The following FRMD4A variants were observed in gnomAD, a reference collection of about 807,000 sequenced individuals.
FRMD4A encodes the protein FERM domain containing 4A, also known as FERM domain-containing protein 4A.
FRMD4A carries 29 observed loss-of-function variants against 129.1 expected under a neutral mutation model. The ratio of observed to expected loss-of-function variants is 0.22; its 90% CI spans 0.17 to 0.31. The LOEUF (loss-of-function observed/expected upper bound fraction) is 0.31, where lower values mean the gene tolerates loss of function less well. Among genes scored for constraint, FRMD4A ranks in the 10% least tolerant of loss-of-function variants. FRMD4A has a pLI of 1.00. For synonymous variants in FRMD4A, 634 were observed against 571.6 expected, an observed-to-expected ratio of 1.11 and a Z score of -1.56; for missense variants, 1,272 against 1,375.8, an observed-to-expected ratio of 0.92 and a Z score of 1.19.
chr10:13,812,324 G>T (rs995251656), intron 3 of FRMD4A, among the ~76,000 whole-genome samples: 1 of 152,176 alleles, frequency 6.6e-6, no homozygotes, highest in African/African-American at 2.4e-5. Context: ...AGTTTATGAG[G>T]GTGGGGCCCC....
intron 17 of FRMD4A, among the ~76,000 whole-genome samples, chr10:13,666,911 CT>C (rs10546068): frequency 0.067 from 7,657 of 114,262 alleles, 306 homozygotes; most frequent in African/African-American, 0.17. Context: ...CTTTTCTTTT[CT>C]TTTTTTTTTT....
chr10:14,274,900 C>T (rs1404334255), intron 2 of FRMD4A, among the ~76,000 whole-genome samples: 1 of 152,184 alleles, frequency 6.6e-6, no homozygotes, highest in Admixed American at 6.5e-5. Context: ...TCTGCTATTT[C>T]GGTTTGGCAT....
chr10:13,922,771 T>TC (rs1261638300), intron 2 of FRMD4A, among the ~76,000 whole-genome samples: 2 of 152,222 alleles, frequency 1.3e-5, no homozygotes, highest in Admixed American at 1.3e-4. Flanking sequence ...AAATTTTTTT[T>TC]TCTCTCTCTA....
intron 2 of FRMD4A, among the ~76,000 whole-genome samples, chr10:13,905,461 T>A (rs2094871944): frequency 6.6e-6 from 1 of 152,250 alleles, no homozygotes; most frequent in African/African-American, 2.4e-5. Flanking sequence ...AAATACATAG[T>A]GAAGAGAAAG....
intron 2 of FRMD4A, among the ~76,000 whole-genome samples, chr10:14,125,275 G>A (rs1402955791): frequency 6.6e-6 from 1 of 152,144 alleles, no homozygotes; most frequent in East Asian, 1.9e-4. Flanking sequence ...AGTGTCCCCA[G>A]CTGCTTCTCC....
rs913807584 is a variant in FRMD4A, at chr10:13,666,171, A to G, written c.1529T>C (p.Ile510Thr). ...GCGGTTCTCATTGATTGCATTTTCA[A>G]TCTCCTGCAGTTTCTTCAGTGCATT... ...YLNALKKLQEIENAINENRIK... is the reference protein window; with the variant it reads ...YLNALKKLQETENAINENRIK... The change falls in exon 18 of 25, where the codon ATT (isoleucine) becomes ACT (threonine). Residue 510 changes from isoleucine (I) to threonine (T), a missense_variant. Transcript: ENST00000357447. The G allele has an allele frequency of 6.2e-7, 1 of 1,613,486 alleles. No homozygotes were observed. Among genetic ancestry groups the G allele is most frequent in the Non-Finnish European group, 8.5e-7 (1 of 1,179,606 alleles).
At chr10:13,994,919 T>C (rs1459972952) in intron 2 of FRMD4A, among the ~76,000 whole-genome samples, 1 of 152,172 alleles carries the variant, frequency 6.6e-6, no homozygotes, top group African/African-American at 2.4e-5. Flanking sequence ...TGACACATAT[T>C]TGAGTTTATA....
intron 5 of FRMD4A, among the ~76,000 whole-genome samples, chr10:13,792,645 G>A (rs2130813396): frequency 6.6e-6 from 1 of 152,326 alleles, no homozygotes; most frequent in Admixed American, 6.5e-5. Flanking sequence ...ATCAGCCTTA[G>A]CAATGGACAG....
chr10:13,927,099 C>G (rs2095141751), intron 2 of FRMD4A, among the ~76,000 whole-genome samples: 1 of 151,900 alleles, frequency 6.6e-6, no homozygotes, highest in Non-Finnish European at 1.5e-5. Flanking sequence ...ACTAAAAATA[C>G]AGAAAAAATT....
At chr10:13,995,457 T>C (rs4750450) in intron 2 of FRMD4A, among the ~76,000 whole-genome samples, 43,162 of 151,808 alleles carry the variant, frequency 0.28, 7,216 homozygotes, top group East Asian at 0.73. Context: ...TGGTGGTGCA[T>C]GCCTGTAATC....
At chr10:14,299,410 A>G (rs1846113126) in intron 2 of FRMD4A, among the ~76,000 whole-genome samples, 1 of 152,074 alleles carries the variant, frequency 6.6e-6, no homozygotes, top group African/African-American at 2.4e-5. Context: ...AATACTAATA[A>G]AGGCTCCCAT....
chr10:14,109,701 G>A (rs1325700486), intron 2 of FRMD4A, among the ~76,000 whole-genome samples: 2 of 152,126 alleles, frequency 1.3e-5, no homozygotes, highest in African/African-American at 4.8e-5. Flanking sequence ...ACCAGGTTCG[G>A]TGGCTCACGC....
At chr10:14,112,011 G>T (rs1288299546) in intron 2 of FRMD4A, among the ~76,000 whole-genome samples, 52 of 140,594 alleles carry the variant, frequency 3.7e-4, no homozygotes, top group African/African-American at 1.4e-3. Flanking sequence ...GGGAAGGAAG[G>T]GTGGGAGGGA....
At chr10:13,865,565 C>G (rs760715646) in intron 2 of FRMD4A, among the ~76,000 whole-genome samples, 147 of 151,916 alleles carry the variant, frequency 9.7e-4, no homozygotes, top group Non-Finnish European at 8.4e-4. Context: ...ATCCTCCCAC[C>G]TCAGCCTCCT....
intron 15 of FRMD4A, among the ~76,000 whole-genome samples, chr10:13,689,326 C>A (rs2085444969): frequency 6.6e-6 from 1 of 150,742 alleles, no homozygotes. Flanking sequence ...ATGGCTCAGA[C>A]ACACCATGAT....
chr10:14,045,751 A>G (rs1360935005), intron 2 of FRMD4A, among the ~76,000 whole-genome samples: 1 of 145,872 alleles, frequency 6.9e-6, no homozygotes, highest in Non-Finnish European at 1.5e-5. Flanking sequence ...CCAGACATAT[A>G]TAATGTAAAG....
intron 2 of FRMD4A, among the ~76,000 whole-genome samples, chr10:14,159,941 T>C (rs1247448718): frequency 2.0e-5 from 3 of 152,038 alleles, no homozygotes; most frequent in Admixed American, 1.3e-4. Context: ...TCCCAGCTAC[T>C]TGGGAGGCTG....
intron 12 of FRMD4A, among the ~76,000 whole-genome samples, chr10:13,717,688 T>G (rs10796115): frequency 0.27 from 32,737 of 119,328 alleles, 4,690 homozygotes; most frequent in Middle Eastern, 0.31. Flanking sequence ...AACCTGTTGT[T>G]CTTGTTTTTT....
intron 2 of FRMD4A, among the ~76,000 whole-genome samples, chr10:13,997,909 C>T (rs1472938062): frequency 6.6e-6 from 1 of 152,096 alleles, no homozygotes; most frequent in Non-Finnish European, 1.5e-5. Flanking sequence ...TAAGCCCGGC[C>T]AACACAAAGC....
Sources: allele counts gnomAD v4.1 joint callset (sites outside exome capture counted in the v4.1 genomes callset), GRCh38; gene constraint gnomAD v4.1.1; transcripts MANE v1.5; gene names NCBI Gene and HGNC (gene_info 2026-07-23, HGNC 2026-07-21).